COL4A3: variants seen among roughly 807,000 people sequenced by gnomAD.
COL4A3 encodes collagen type IV alpha 3 chain.
COL4A3 carries 135 observed loss-of-function variants against 217.4 expected under a neutral mutation model. The observed-to-expected ratio is 0.62, with a 90% CI of 0.54 to 0.72. The LOEUF (loss-of-function observed/expected upper bound fraction) is 0.72. COL4A3 is among the 30% of genes least tolerant of loss of function. COL4A3 has a pLI of 0.00. For missense variants in COL4A3, 1,868 were observed against 2,119.9 expected, an observed-to-expected ratio of 0.88 and a Z score of 2.33; for synonymous variants, 690 against 736.3, an observed-to-expected ratio of 0.94 and a Z score of 1.02.
chr2:227,197,367 A>G (rs1322095358), intron 1 of COL4A3, among the ~76,000 whole-genome samples: 1 of 152,024 alleles, frequency 6.6e-6, no homozygotes, highest in African/African-American at 2.4e-5. Flanking sequence ...ACAGGTGTGT[A>G]CCATCGAGTA....
At chr2:227,214,333 G>C (rs1257750352) in intron 1 of COL4A3, among the ~76,000 whole-genome samples, 2 of 152,138 alleles carry the variant, frequency 1.3e-5, no homozygotes, top group East Asian at 1.9e-4. Context: ...TCAAACCCAA[G>C]TATATTATAA....
intron 1 of COL4A3, among the ~76,000 whole-genome samples, chr2:227,223,274 A>G: frequency 6.6e-6 from 1 of 152,184 alleles, no homozygotes; most frequent in East Asian, 1.9e-4. Context: ...ATTCATATAC[A>G]TGAAAAGTTG....
chr2:227,293,304 T>C lies in COL4A3; in HGVS notation c.3324T>C (p.Ser1108=), dbSNP rs2106227159. The C allele has an allele frequency of 1.9e-6, 3 of 1,613,786 alleles. No homozygotes were observed. The highest frequency in any genetic ancestry group is 1.3e-5 in the African/African-American group (1 of 75,022). Residue 1108 remains serine, a synonymous_variant, in exon 38 of 52, where the codon AGT becomes AGC. Transcript: ENST00000396578. ...GPEGAPGSPG[S]PGLPGKPGPH... is the part of the protein sequence containing the mutation. ...AGGGAGCCCCTGGAAGTCCTGGAAG[T>C]CCTGGCCTCCCAGGTAAGGCTTGAG...
chr2:227,306,705 A>G (rs2073515818), intron 47 of COL4A3, among the ~76,000 whole-genome samples: 1 of 152,144 alleles, frequency 6.6e-6, no homozygotes, highest in African/African-American at 2.4e-5. Context: ...GAAAGTCCTG[A>G]CTTCCGAGTC....
At chr2:227,237,925 C>T (rs1424835507) in intron 1 of COL4A3, 43 bp from the exon 2 acceptor site, 4 of 1,428,850 alleles carry the variant, frequency 2.8e-6, no homozygotes, top group Non-Finnish European at 4.0e-6. Flanking sequence ...GGGATTTATT[C>T]AGCTGTTTCT....
chr2:227,293,626 T>C (rs548486998), intron 38 of COL4A3: 1 of 461,722 alleles, frequency 2.2e-6, no homozygotes, highest in African/African-American at 2.0e-5. Context: ...TGTATTAGTT[T>C]GTCCAGGCTT....
rs1226939107 is a variant in COL4A3, at chr2:227,253,242, C to T, written c.646-54C>T. On this transcript the variant is annotated intron_variant, in intron 11 of 51. Transcript: ENST00000396578. The surrounding 1 kb of genome is among the most constrained non-coding windows in gnomAD (Gnocchi z 4.4). ...ATATTGGAACTTTGATGGGTTTAGACTATTTATTCATATTTATTTTTAGAA... is the reference window on the plus strand; with the variant it reads ...ATATTGGAACTTTGATGGGTTTAGATTATTTATTCATATTTATTTTTAGAA... The T allele has an allele frequency of 1.4e-5, 20 of 1,448,454 alleles. No individual in the cohort carries two copies. The highest frequency in any genetic ancestry group is 9.7e-7 in the Non-Finnish European group (1 of 1,031,278). The allele number at this position is 1,448,454 out of a possible 1,614,324, so 89.7% of individuals were successfully genotyped here.
intron 17 of COL4A3, among the ~76,000 whole-genome samples, chr2:227,257,255 T>C (rs1280627759): frequency 6.6e-6 from 1 of 152,164 alleles, no homozygotes; most frequent in Non-Finnish European, 1.5e-5. Context: ...GCTGGGACAC[T>C]TGGAAATGCA....
At position 227,310,910 on chromosome 2, in the gene COL4A3, T is replaced by C. The variant is rs770544412; in HGVS notation, c.4890T>C (p.Ser1630=). ...GCAACTACTATTCAAATTCCTACAG[T>C]TTCTGGCTGGCTTCATTAAACCCAG... The part of the protein sequence containing the change: ...GTCNYYSNSY[S]FWLASLNPER... Residue 1630 remains serine (S), a synonymous_variant, in exon 51 of 52, where the codon AGT becomes AGC. Transcript: ENST00000396578. 4.3e-6 allele frequency: 7 copies of C among 1,614,054 alleles called. No individual in the cohort carries two copies. Among genetic ancestry groups the C allele is most frequent in the Non-Finnish European group, 5.9e-6 (7 of 1,180,014 alleles).
intron 25 of COL4A3, 102 bp downstream of exon 25, chr2:227,271,054 C>A: frequency 1.9e-6 from 2 of 1,031,358 alleles, no homozygotes; most frequent in Non-Finnish European, 3.0e-6. Flanking sequence ...CAGCACAGTT[C>A]ATCACTCTAA....
At chr2:227,225,528 A>C (rs1311129225) in intron 1 of COL4A3, among the ~76,000 whole-genome samples, 4 of 152,178 alleles carry the variant, frequency 2.6e-5, no homozygotes, top group Non-Finnish European at 5.9e-5. Context: ...GTGACAAAGC[A>C]AAGAGTGACC....
intron 20 of COL4A3, among the ~76,000 whole-genome samples, chr2:227,262,007 T>G (rs2070604556): frequency 6.6e-6 from 1 of 152,236 alleles, no homozygotes; most frequent in Non-Finnish European, 1.5e-5. Context: ...ACTGGGCATG[T>G]GCCCTGCCAC....
intron 1 of COL4A3, among the ~76,000 whole-genome samples, chr2:227,171,804 G>A (rs975114200): frequency 1.1e-4 from 16 of 152,176 alleles, no homozygotes; most frequent in African/African-American, 3.9e-4. Flanking sequence ...GAAAGCTTTA[G>A]AGCAGGAATG....
At chr2:227,218,808 G>T (rs2125813340) in intron 1 of COL4A3, among the ~76,000 whole-genome samples, 1 of 152,202 alleles carries the variant, frequency 6.6e-6, no homozygotes, top group African/African-American at 2.4e-5. Flanking sequence ...AATTTCAATT[G>T]TTTTGCTTTC....
chr2:227,267,113 T>C, intron 23 of COL4A3, 25 bp downstream of exon 23: 1 of 1,546,128 alleles, frequency 6.5e-7, no homozygotes, highest in Non-Finnish European at 8.9e-7. Flanking sequence ...CATGCAAGTG[T>C]TTTTGCAAGC....
intron 1 of COL4A3, among the ~76,000 whole-genome samples, chr2:227,189,036 A>T (rs1201362830): frequency 6.6e-6 from 1 of 152,182 alleles, no homozygotes; most frequent in Non-Finnish European, 1.5e-5. Flanking sequence ...GAAGGATGGG[A>T]GGAGAGACTC....
rs545869821 is a variant in COL4A3, at chr2:227,282,046, C to T, written c.2489-319C>T. On this transcript the variant is annotated intron_variant, in intron 31 of 51. Coordinates refer to ENST00000396578, the MANE Select transcript of COL4A3 (RefSeq NM_000091.5). The surrounding 1 kb of genome is among the most constrained non-coding windows in gnomAD (Gnocchi z 4.4). Reference sequence around the variant, plus strand: ...CAGCACTATGGGAGGCCGAGGTGGGCGGATCATTTGAGGTCAGGAGTTTGA... The same window carrying T: ...CAGCACTATGGGAGGCCGAGGTGGGTGGATCATTTGAGGTCAGGAGTTTGA... Among the ~76,000 whole-genome samples, 4 of 152,042 alleles carry T rather than the reference C, an allele frequency of 2.6e-5. No individual in the cohort carries two copies. Among genetic ancestry groups the T allele is most frequent in the South Asian group, 4.1e-4 (2 of 4,822 alleles).
chr2:227,205,464 A>C (rs1475709781), intron 1 of COL4A3, among the ~76,000 whole-genome samples: 1 of 152,150 alleles, frequency 6.6e-6, no homozygotes, highest in East Asian at 1.9e-4. Context: ...TGAGACATAC[A>C]ATGCTTCTAT....
chr2:227,234,562 A>C lies in COL4A3; in HGVS notation c.88-3406A>C, dbSNP rs1469068294. On this transcript the variant is annotated intron_variant, in intron 1 of 51. Coordinates refer to ENST00000396578, the MANE Select transcript of COL4A3 (RefSeq NM_000091.5). ...TGTCCATCCACTGATTCATCCAGTCAATCCATAAACACTTGTTTACGACAT... is the reference window on the plus strand; with the variant it reads ...TGTCCATCCACTGATTCATCCAGTCCATCCATAAACACTTGTTTACGACAT... Among the ~76,000 whole-genome samples, 3 of 152,336 alleles carry C rather than the reference A, an allele frequency of 2.0e-5. No individual in the cohort carries two copies. The East Asian group carries it at 5.8e-4, about 29-fold the overall frequency.
Sources: gnomAD v4.1 joint callset for allele counts (sites outside exome capture counted in the v4.1 genomes callset) on GRCh38, gnomAD v4.1.1 for gene constraint, Gnocchi (gnomAD v3.1) non-coding constraint, MANE v1.5 for transcripts, NCBI Gene and HGNC (gene_info 2026-07-23, HGNC 2026-07-21) for gene names.